GSG1: variants seen among roughly 807,000 people sequenced by gnomAD.
The protein encoded by GSG1 is germ cell-specific gene 1 protein.
In GSG1, 28 loss-of-function variants were observed where a neutral mutation model predicts 30.8. That is an observed-to-expected ratio of 0.91 (90% CI 0.67 to 1.25). The LOEUF is 1.25. GSG1 is among the 50% of genes most tolerant of loss of function. The pLI is 0.00. For missense variants in GSG1, 435 were observed against 444.7 expected (o/e 0.98, Z 0.20); for synonymous variants, 162 against 178.0 (o/e 0.91, Z 0.71).
chr12:13,099,940 C>T (rs1022707953), intron 1 of GSG1, among the ~76,000 whole-genome samples: 6 of 152,284 alleles, frequency 3.9e-5, no homozygotes, highest in South Asian at 2.1e-4. Context: ...TTTCGGCTAT[C>T]GCCGGTCTGA....
chr12:13,099,754 T>TTTTTG (rs1555128102), intron 1 of GSG1, among the ~76,000 whole-genome samples: 3 of 118,014 alleles, frequency 2.5e-5, no homozygotes, highest in Admixed American at 7.8e-5. Flanking sequence ...TTTTTTGTTT[T>TTTTTG]TTTTTTTTTT....
At position 13,101,652 on chromosome 12, in the gene GSG1, G is replaced by A. The variant is rs890586127; in HGVS notation, c.48+1813C>T. 1.3e-5 allele frequency among the ~76,000 whole-genome samples: 2 copies of A among 152,240 alleles called. No individual in the cohort carries two copies. Among genetic ancestry groups the A allele is most frequent in the African/African-American group, 4.8e-5 (2 of 41,478 alleles). ...GGGCGGAGAGACTGGGTAGTCGGAG[G>A]GATTCCTTACACCCAGGCCGGTGGG... On this transcript the variant is annotated intron_variant, in intron 1 of 6. Coordinates refer to ENST00000651961, the MANE Select transcript of GSG1 (RefSeq NM_001080555.4). This position sits in a 1 kb window ranked among gnomAD's most constrained non-coding sequence, Gnocchi z 5.8.
chr12:13,086,008 C>A (rs1365272724), intron 6 of GSG1, among the ~76,000 whole-genome samples: 11 of 152,098 alleles, frequency 7.2e-5, no homozygotes, highest in Admixed American at 7.2e-4. Flanking sequence ...AAGTCAAATC[C>A]CTAAATCTCC....
intron 1 of GSG1, among the ~76,000 whole-genome samples, chr12:13,099,759 T>TG (rs1555128112): frequency 6.9e-6 from 1 of 144,706 alleles, no homozygotes; most frequent in Admixed American, 7.0e-5. Context: ...TGTTTTTTTT[T>TG]TTTTTTTTTG....
At chr12:13,089,681 T>G (rs1211371578) in intron 2 of GSG1, among the ~76,000 whole-genome samples, 1 of 152,178 alleles carries the variant, frequency 6.6e-6, no homozygotes, top group East Asian at 1.9e-4. Context: ...GAAAATACTT[T>G]GGGGCCAGGA....
chr12:13,090,390 C>G, intron 2 of GSG1, 113 bp downstream of exon 2: 1 of 947,824 alleles, frequency 1.1e-6, no homozygotes. Context: ...GTGGGCAGTG[C>G]TGCACTTCCA....
intron 2 of GSG1, among the ~76,000 whole-genome samples, chr12:13,089,720 C>G (rs915178685): frequency 6.6e-6 from 1 of 152,192 alleles, no homozygotes; most frequent in African/African-American, 2.4e-5. Flanking sequence ...TGCTGTGATG[C>G]TTTCATCTCA....
rs200576038 is a variant in GSG1, at chr12:13,088,092, C to A, written c.482-33G>T. The A allele has an allele frequency of 1.8e-5, 29 of 1,613,012 alleles. No homozygotes were observed. The East Asian group carries it at 6.0e-4, about 33-fold the overall frequency. ...AAACCAGAGGAAGAGGGAGCGCTCA[C>A]CCTGACAGTTAAAAAACTGAATAAG... is the stretch of plus-strand genomic sequence containing the variant. On this transcript the variant is annotated intron_variant, in intron 4 of 6. Coordinates refer to ENST00000651961, the MANE Select transcript of GSG1 (RefSeq NM_001080555.4).
chr12:13,095,756 G>A, intron 1 of GSG1: 2 of 1,540,150 alleles, frequency 1.3e-6, no homozygotes, highest in Non-Finnish European at 1.8e-6. Context: ...ATTCTTTGGA[G>A]TGCCTCATGA....
At chr12:13,090,034 A>G (rs1240855758) in intron 2 of GSG1, among the ~76,000 whole-genome samples, 2 of 152,188 alleles carry the variant, frequency 1.3e-5, no homozygotes, top group African/African-American at 4.8e-5. Context: ...GGGCAACAAG[A>G]GCAAAACTCC....
rs779133829 is a variant in GSG1 at position 13,088,064 on chromosome 12, C to G, written c.482-5G>C. 1 of 1,614,058 alleles carries G rather than the reference C, an allele frequency of 6.2e-7. No individual in the cohort carries two copies. The highest frequency in any genetic ancestry group is 1.1e-5 in the South Asian group (1 of 91,068). ...CCAGGGATAACCATAGGATTTCTGC[C>G]AGAAACCAGAGGAAGAGGGAGCGCT... is the stretch of plus-strand genomic sequence containing the variant. On this transcript the variant is annotated splice_region_variant and splice_polypyrimidine_tract_variant and intron_variant, in intron 4 of 6. Coordinates refer to ENST00000651961, the MANE Select transcript of GSG1 (RefSeq NM_001080555.4).
rs1489584184 is a variant in GSG1, at chr12:13,087,917, A to C, written c.624T>G (p.Ser208=). The C allele has an allele frequency of 6.2e-6, 10 of 1,614,140 alleles. No homozygotes were observed. The highest frequency in any genetic ancestry group is 8.5e-7 in the Non-Finnish European group (1 of 1,180,006). Residue 208 remains serine, a synonymous_variant, in exon 5 of 7, where the codon TCT becomes TCG. Transcript: ENST00000651961. ...LKLSAFAAVS[S]VLSGLLGMVA... The stretch of plus-strand genomic sequence containing the variant: ...CCAGGAGCAACTCACCTGACAGGAC[A>C]GAGGAAACAGCAGCAAAGGCGCTCA...
intron 1 of GSG1, among the ~76,000 whole-genome samples, chr12:13,094,883 T>G (rs1258615202): frequency 3.3e-5 from 5 of 152,204 alleles, no homozygotes; most frequent in African/African-American, 1.2e-4. Context: ...TATATATATT[T>G]GCAAGTTATT....
At chr12:13,098,863 A>T (rs776023820) in intron 1 of GSG1, among the ~76,000 whole-genome samples, 4 of 152,200 alleles carry the variant, frequency 2.6e-5, no homozygotes, top group Non-Finnish European at 2.9e-5. Flanking sequence ...TAAGTGTGTT[A>T]TATGAGGAGG....
At chr12:13,095,566 A>T in intron 1 of GSG1, 3 of 1,600,446 alleles carry the variant, frequency 1.9e-6, no homozygotes, top group Non-Finnish European at 1.7e-6. Context: ...TGTAGACTGC[A>T]TCCTTTGAGC....
At position 13,093,214 on chromosome 12, in the gene GSG1, A is replaced by C. The variant is rs1316783920; in HGVS notation, c.49-2396T>G. On this transcript the variant is annotated intron_variant, in intron 1 of 6. Coordinates refer to ENST00000651961, the MANE Select transcript of GSG1 (RefSeq NM_001080555.4). The surrounding 1 kb of genome is among the most constrained non-coding windows in gnomAD (Gnocchi z 4.6). ...TCTGGAAAAGTTTTATGTAAAGTCT[A>C]AACTTTATATAAAAGTTTAGAAAAA... 6.6e-6 allele frequency among the ~76,000 whole-genome samples: 1 copy of C among 152,148 alleles called. No individual in the cohort carries two copies. Among genetic ancestry groups the C allele is most frequent in the African/African-American group, 2.4e-5 (1 of 41,446 alleles).
At position 13,087,181 on chromosome 12, in the gene GSG1, T is replaced by G. The variant is rs1865623149; in HGVS notation, c.717A>C (p.Pro239=). 6.2e-7 allele frequency: 1 copy of G among 1,613,692 alleles called. No individual in the cohort carries two copies. The highest frequency in any genetic ancestry group is 8.5e-7 in the Non-Finnish European group (1 of 1,179,694). Reference sequence around the variant, plus strand: ...AGGCCCAGCCATAATTCCAAACATGTGGTCTCCAGTCTTCTGGACCCAAGT... The same window carrying G: ...AGGCCCAGCCATAATTCCAAACATGGGGTCTCCAGTCTTCTGGACCCAAGT... ...TVNLGPEDWR[P]HVWNYGWAFY... The change falls in exon 6 of 7, where the codon CCA becomes CCC. Residue 239 remains proline (P), a synonymous_variant. Transcript: ENST00000651961.
intron 1 of GSG1, among the ~76,000 whole-genome samples, chr12:13,094,384 T>A (rs1866459039): frequency 6.6e-6 from 1 of 152,240 alleles, no homozygotes; most frequent in Non-Finnish European, 1.5e-5. Flanking sequence ...TGATTTTACT[T>A]TTAAAGGCAC....
chr12:13,094,115 A>G (rs903237856), intron 1 of GSG1, among the ~76,000 whole-genome samples: 2 of 152,186 alleles, frequency 1.3e-5, no homozygotes, highest in Non-Finnish European at 2.9e-5. Context: ...CTTAAGAGCC[A>G]TAAATAAAAC....
Sources: allele counts gnomAD v4.1 joint callset (sites outside exome capture counted in the v4.1 genomes callset), GRCh38; gene constraint gnomAD v4.1.1; non-coding constraint Gnocchi (gnomAD v3.1); transcripts MANE v1.5; gene names NCBI Gene and HGNC (gene_info 2026-07-23, HGNC 2026-07-21).